Variants in EBF1 observed in about 807,000 individuals in gnomAD.
EBF1 encodes the protein EBF transcription factor 1.
EBF1 carries 10 observed loss-of-function variants against 68.4 expected under a neutral mutation model. That is an observed-to-expected ratio of 0.15 (90% CI 0.09 to 0.25). The LOEUF is 0.25. EBF1 is among the 10% of genes least tolerant of loss of function. EBF1 has a pLI of 1.00. For synonymous variants in EBF1, 298 were observed against 299.8 expected (o/e 0.99, Z 0.06); for missense variants, 509 against 794.4 (o/e 0.64, Z 4.32).
chr5:159,076,828 G>A (rs1396973550), intron 5 of EBF1, among the ~76,000 whole-genome samples: 1 of 152,144 alleles, frequency 6.6e-6, no homozygotes, highest in Non-Finnish European at 1.5e-5. Context: ...ACATACATAT[G>A]TGTGTACATA....
intron 6 of EBF1, among the ~76,000 whole-genome samples, chr5:158,878,908 T>G (rs976947464): frequency 1.3e-5 from 2 of 152,132 alleles, no homozygotes; most frequent in African/African-American, 4.8e-5. Flanking sequence ...CCTCCCAAAG[T>G]GCTTGCTGGG....
Position 159,009,473 on chromosome 5 carries a change from G to A in EBF1, c.554+63923C>T, listed in dbSNP as rs891972141. Among the ~76,000 whole-genome samples the A allele has an allele frequency of 2.6e-5, 4 of 152,154 alleles. No individual in the cohort carries two copies. In the East Asian group the frequency reaches 7.7e-4, roughly 29 times the overall value. The stretch of plus-strand genomic sequence containing the variant: ...CACTTTCTTTACTATGCCAGCCCTG[G>A]TCTTAAAGTATCTTTGTAAATGATC... On this transcript the variant is annotated intron_variant, in intron 6 of 15. Coordinates refer to ENST00000313708, the MANE Select transcript of EBF1 (RefSeq NM_024007.5).
intron 6 of EBF1, among the ~76,000 whole-genome samples, chr5:158,895,034 T>C (rs1466848632): frequency 6.6e-6 from 1 of 152,210 alleles, no homozygotes; most frequent in Non-Finnish European, 1.5e-5. Flanking sequence ...AAGATTATAA[T>C]GAATGCCAAA....
At chr5:158,964,934 C>T (rs906991674) in intron 6 of EBF1, among the ~76,000 whole-genome samples, 1 of 152,178 alleles carries the variant, frequency 6.6e-6, no homozygotes, top group African/African-American at 2.4e-5. Flanking sequence ...TCACATTTGT[C>T]AAACAGATCT....
chr5:158,935,561 A>C (rs1009009220), intron 6 of EBF1, among the ~76,000 whole-genome samples: 2 of 152,240 alleles, frequency 1.3e-5, no homozygotes, highest in Admixed American at 1.3e-4. Context: ...CATATGCAGA[A>C]GAAAAACTAG....
intron 6 of EBF1, among the ~76,000 whole-genome samples, chr5:158,860,507 C>T (rs774581396): frequency 1.4e-4 from 22 of 152,178 alleles, no homozygotes; most frequent in Non-Finnish European, 2.6e-4. Context: ...GACAAGCCAC[C>T]ACCATGTGGA....
At chr5:158,964,296 C>G (rs1298771304) in intron 6 of EBF1, among the ~76,000 whole-genome samples, 1 of 152,122 alleles carries the variant, frequency 6.6e-6, no homozygotes, top group Non-Finnish European at 1.5e-5. Flanking sequence ...GCACTTTCAT[C>G]TCTGGGACAA....
chr5:158,744,190 G>A (rs558518566), intron 10 of EBF1, among the ~76,000 whole-genome samples: 36 of 151,970 alleles, frequency 2.4e-4, no homozygotes, highest in African/African-American at 8.7e-4. Flanking sequence ...GATCAGTGAT[G>A]GAGTTAATTC....
intron 8 of EBF1, among the ~76,000 whole-genome samples, chr5:158,809,410 C>T (rs1782185633): frequency 6.6e-6 from 1 of 152,106 alleles, no homozygotes. Flanking sequence ...AATTTCTGTT[C>T]AGTTTGGCTA....
intron 6 of EBF1, among the ~76,000 whole-genome samples, chr5:159,046,204 C>T (rs964136104): frequency 1.3e-5 from 2 of 152,178 alleles, no homozygotes; most frequent in African/African-American, 4.8e-5. Flanking sequence ...ACCATTTAAC[C>T]ATCTTATCAG....
At chr5:158,810,869 G>A (rs1333363781) in intron 8 of EBF1, among the ~76,000 whole-genome samples, 1 of 152,038 alleles carries the variant, frequency 6.6e-6, no homozygotes, top group African/African-American at 2.4e-5. Context: ...TAGTGCTTCT[G>A]TTATAACTGA....
In EBF1 at chr5:158,845,069, A is replaced by G. The variant is rs191664689; in HGVS notation, c.555-4959T>C. 2.2e-4 allele frequency among the ~76,000 whole-genome samples: 33 copies of G among 152,320 alleles called. No individual in the cohort carries two copies. The East Asian group carries it at 6.4e-3, about 29-fold the overall frequency. On this transcript the variant is annotated intron_variant, in intron 6 of 15. Coordinates refer to ENST00000313708, the MANE Select transcript of EBF1 (RefSeq NM_024007.5). Reference sequence around the variant, plus strand: ...ACCTACATAAGGATATAAAATTTTTAAAAAATCATCCCTGCATGCATAGTG... The same window carrying G: ...ACCTACATAAGGATATAAAATTTTTGAAAAATCATCCCTGCATGCATAGTG...
intron 9 of EBF1, among the ~76,000 whole-genome samples, chr5:158,784,255 A>G (rs557486465): frequency 7.2e-5 from 11 of 152,350 alleles, no homozygotes; most frequent in Admixed American, 7.2e-4. Flanking sequence ...CAAGAAACCA[A>G]CTGGAAGTGG....
At chr5:158,908,477 C>T (rs1433933701) in intron 6 of EBF1, among the ~76,000 whole-genome samples, 2 of 152,170 alleles carry the variant, frequency 1.3e-5, no homozygotes, top group African/African-American at 4.8e-5. Context: ...TTAGCAAGCT[C>T]CTTTGCAAGC....
At chr5:158,844,337 C>T (rs1323218701) in intron 6 of EBF1, among the ~76,000 whole-genome samples, 1 of 151,986 alleles carries the variant, frequency 6.6e-6, no homozygotes, top group African/African-American at 2.4e-5. Context: ...CTCACTAAAT[C>T]CTCACGGAAT....
At chr5:158,777,271 C>A (rs910294886) in intron 10 of EBF1, 142 bp downstream of exon 10, 1 of 979,700 alleles carries the variant, frequency 1.0e-6, no homozygotes, top group Non-Finnish European at 1.4e-6. Context: ...CATGTTTGGT[C>A]ATACATATGG....
chr5:158,930,946 T>C (rs754136595), intron 6 of EBF1, among the ~76,000 whole-genome samples: 2 of 152,232 alleles, frequency 1.3e-5, no homozygotes, highest in Non-Finnish European at 2.9e-5. Context: ...AGTGTTTCTA[T>C]GGCAGCCTGT....
intron 6 of EBF1, among the ~76,000 whole-genome samples, chr5:158,881,776 C>G (rs574801273): frequency 6.6e-6 from 1 of 152,316 alleles, no homozygotes; most frequent in Admixed American, 6.5e-5. Context: ...TTGTCTGCTT[C>G]CAGCAGCAAA....
At chr5:158,808,119 GTGA>G (rs1209397241) in intron 8 of EBF1, among the ~76,000 whole-genome samples, 1 of 152,056 alleles carries the variant, frequency 6.6e-6, no homozygotes, top group Non-Finnish European at 1.5e-5. Context: ...TGTTTCCGTG[GTGA>G]TGATCTGTGA....
Sources: gnomAD v4.1 joint callset for allele counts (sites outside exome capture counted in the v4.1 genomes callset) on GRCh38, gnomAD v4.1.1 for gene constraint, MANE v1.5 for transcripts, NCBI Gene and HGNC (gene_info 2026-07-23, HGNC 2026-07-21) for gene names.